Variants in COL25A1 observed in about 807,000 individuals in gnomAD.
COL25A1 encodes the protein collagen alpha-1(XXV) chain.
A neutral mutation model predicts 128.4 loss-of-function variants in COL25A1; 103 were observed. That is an observed-to-expected ratio of 0.80 (90% confidence interval 0.68 to 0.94). COL25A1 has a LOEUF of 0.94. Ranked by LOEUF, COL25A1 falls within the 40% of genes least tolerant of loss-of-function variation. COL25A1 has a pLI of 0.00. For synonymous variants in COL25A1, 279 were observed against 277.2 expected, an observed-to-expected ratio of 1.01 and a Z score of -0.06; for missense variants, 745 against 840.0, an observed-to-expected ratio of 0.89 and a Z score of 1.40.
At chr4:108,853,794 G>T (rs1736122791) in intron 24 of COL25A1, among the ~76,000 whole-genome samples, 1 of 151,782 alleles carries the variant, frequency 6.6e-6, no homozygotes, top group South Asian at 2.1e-4. Flanking sequence ...GGGTTAGTTT[G>T]CTGAGAATGA....
At position 108,859,697 on chromosome 4, in the gene COL25A1, C is replaced by T; in HGVS notation, c.1279G>A (p.Glu427Lys). The stretch of plus-strand genomic sequence containing the variant: ...AGGTTGCCGTTGTAGTCTATGATCT[C>T]AGTGGCTCCTTGATCCCCTTTTTGA... ...PGQKGDQGATEIIDYNGNLHE... is the reference protein window; with the variant it reads ...PGQKGDQGATKIIDYNGNLHE... Residue 427 changes from glutamate to lysine, a missense_variant, in exon 24 of 38, where the codon GAG becomes AAG. Glu to Lys is a moderately conservative substitution (Grantham distance 56, BLOSUM62 1). Transcript: ENST00000399132. 1 of 1,613,908 alleles carries T rather than the reference C, an allele frequency of 6.2e-7. No homozygotes were observed. The highest frequency in any genetic ancestry group is 8.5e-7 in the Non-Finnish European group (1 of 1,179,906).
intron 37 of COL25A1, among the ~76,000 whole-genome samples, chr4:108,815,648 T>C (rs1041166620): frequency 6.6e-6 from 1 of 152,086 alleles, no homozygotes; most frequent in Non-Finnish European, 1.5e-5. Context: ...AAAAGGAGTA[T>C]TTAAAAGGAA....
chr4:108,920,700 T>C, intron 11 of COL25A1, 96 bp from the exon 12 acceptor site: 3 of 811,182 alleles, frequency 3.7e-6, no homozygotes, highest in Non-Finnish European at 5.6e-6. Context: ...TTCTCTTTGC[T>C]GTACTGAAAT....
intron 15 of COL25A1, among the ~76,000 whole-genome samples, chr4:108,898,759 G>A (rs1370215961): frequency 6.6e-6 from 1 of 152,038 alleles, no homozygotes. Context: ...GCAGGCCTAA[G>A]GATTTTTGAA....
chr4:109,221,552 T>C lies in COL25A1; in HGVS notation c.367+79031A>G, dbSNP rs188841628. On this transcript the variant is annotated intron_variant, in intron 3 of 37. Transcript: ENST00000399132. ...TCATTTGTAATACATAAAACATGTA[T>C]GCATATCTGTTGTAACAAGAAAATG... Among the ~76,000 whole-genome samples, 426 of 152,342 alleles carry C rather than the reference T, an allele frequency of 2.8e-3. 3 individuals carry two copies. The highest frequency in any genetic ancestry group is 4.5e-3 in the Non-Finnish European group (306 of 68,012).
At chr4:109,194,453 A>G (rs967771089) in intron 3 of COL25A1, among the ~76,000 whole-genome samples, 10 of 152,166 alleles carry the variant, frequency 6.6e-5, no homozygotes, top group African/African-American at 2.4e-4. Context: ...TTGCAAAAAT[A>G]TTTGCTTAGC....
intron 37 of COL25A1, 92 bp from the exon 38 acceptor site, chr4:108,814,021 G>A: frequency 9.8e-7 from 1 of 1,019,984 alleles, no homozygotes; most frequent in Non-Finnish European, 1.5e-6. Flanking sequence ...AAAACTGGTA[G>A]AACCTTGAAT....
Position 109,302,379 on chromosome 4 carries a change from G to C in COL25A1, c.-267C>G, listed in dbSNP as rs374448239. Reference sequence around the variant, plus strand: ...AACAGTGGCCGCTCAGGGTCCGAGGGCAACGGCCGAGGCGCCACGCGGGGC... The same window carrying C: ...AACAGTGGCCGCTCAGGGTCCGAGGCCAACGGCCGAGGCGCCACGCGGGGC... On this transcript the variant is annotated 5_prime_UTR_variant, in exon 1 of 38. Coordinates refer to ENST00000399132, the MANE Select transcript of COL25A1 (RefSeq NM_198721.4). 1.4e-3 allele frequency: 324 copies of C among 228,952 alleles called. 5 individuals are homozygous for C. In the East Asian group the frequency reaches 0.027, roughly 19 times the overall value. 14.2% of individuals were successfully genotyped at this position (228,952 alleles called of 1,614,324 possible).
At chr4:108,883,644 T>A (rs1740406811) in intron 19 of COL25A1, among the ~76,000 whole-genome samples, 1 of 152,196 alleles carries the variant, frequency 6.6e-6, no homozygotes, top group African/African-American at 2.4e-5. Flanking sequence ...TTTCAAAAGA[T>A]ATTTAGAAAG....
chr4:109,272,395 T>C (rs1330950373), intron 3 of COL25A1, among the ~76,000 whole-genome samples: 1 of 152,208 alleles, frequency 6.6e-6, no homozygotes, highest in Non-Finnish European at 1.5e-5. Context: ...GTTACTGCCC[T>C]TTCAGAGCCA....
chr4:109,135,648 GC>G (rs1271844114), intron 3 of COL25A1, among the ~76,000 whole-genome samples: 2 of 112,200 alleles, frequency 1.8e-5, no homozygotes, highest in Admixed American at 1.6e-4. Flanking sequence ...CTTAAATGGA[GC>G]TTTTTTTTTC....
At chr4:108,814,157 T>C (rs1731036138) in intron 37 of COL25A1, among the ~76,000 whole-genome samples, 2 of 152,222 alleles carry the variant, frequency 1.3e-5, no homozygotes, top group Non-Finnish European at 2.9e-5. Flanking sequence ...TCCACATTTT[T>C]CCTTTGCCAC....
intron 13 of COL25A1, among the ~76,000 whole-genome samples, chr4:108,908,655 A>G (rs1743822302): frequency 2.0e-5 from 3 of 152,194 alleles, no homozygotes; most frequent in African/African-American, 7.2e-5. Context: ...CTGCCCAGAC[A>G]GAGCCAATTT....
chr4:108,871,898 T>C (rs1240234305), intron 19 of COL25A1, among the ~76,000 whole-genome samples: 1 of 152,154 alleles, frequency 6.6e-6, no homozygotes, highest in Non-Finnish European at 1.5e-5. Context: ...AAAACAATTG[T>C]TGAAGTAAAT....
intron 3 of COL25A1, among the ~76,000 whole-genome samples, chr4:109,081,410 G>A (rs1436963720): frequency 1.3e-5 from 2 of 152,126 alleles, no homozygotes; most frequent in Non-Finnish European, 2.9e-5. Flanking sequence ...CATTAGTAAT[G>A]AACCCAAACT....
intron 5 of COL25A1, among the ~76,000 whole-genome samples, chr4:109,043,359 G>A (rs774144192): frequency 1.7e-4 from 26 of 152,016 alleles, no homozygotes; most frequent in Non-Finnish European, 3.4e-4. Flanking sequence ...GGCAGAAATA[G>A]CATTGTAAGC....
chr4:109,144,027 G>T (rs1323486843), intron 3 of COL25A1, among the ~76,000 whole-genome samples: 1 of 152,134 alleles, frequency 6.6e-6, no homozygotes, highest in Non-Finnish European at 1.5e-5. Flanking sequence ...CATCTTCGTG[G>T]ATTTATCTAC....
At chr4:109,140,752 A>T (rs1263512552) in intron 3 of COL25A1, among the ~76,000 whole-genome samples, 2 of 152,188 alleles carry the variant, frequency 1.3e-5, no homozygotes, top group South Asian at 4.1e-4. Context: ...ATTGGTGTAT[A>T]GGAATGCTTG....
intron 13 of COL25A1, among the ~76,000 whole-genome samples, chr4:108,911,046 T>G (rs1268710143): frequency 6.6e-6 from 1 of 152,158 alleles, no homozygotes; most frequent in East Asian, 1.9e-4. Context: ...GACAATAAAT[T>G]ATTACATTGC....
Sources: gnomAD v4.1 joint callset for allele counts (sites outside exome capture counted in the v4.1 genomes callset) on GRCh38, gnomAD v4.1.1 for gene constraint, MANE v1.5 for transcripts, NCBI Gene and HGNC (gene_info 2026-07-23, HGNC 2026-07-21) for gene names.